Variants in NIPBL observed in about 807,000 individuals in gnomAD.
The protein encoded by NIPBL is nipped-B-like protein.
Under a neutral mutation model 321.8 loss-of-function variants are expected in NIPBL, and 19 were observed. The ratio of observed to expected loss-of-function variants is 0.06; its 90% CI spans 0.04 to 0.09. NIPBL has a LOEUF of 0.09. Ranked by LOEUF, NIPBL falls within the 10% of genes least tolerant of loss-of-function variation. NIPBL has a pLI of 1.00. For synonymous variants in NIPBL, 1,106 were observed against 1,114.1 expected (o/e 0.99, Z 0.14); for missense variants, 2,210 against 3,327.0 (o/e 0.66, Z 8.26).
intron 1 of NIPBL, among the ~76,000 whole-genome samples, chr5:36,937,336 T>C (rs1015911476): frequency 4.6e-5 from 7 of 152,188 alleles, no homozygotes; most frequent in Non-Finnish European, 7.4e-5. Flanking sequence ...CCATATACTC[T>C]TGACATTCTA....
chr5:36,892,747 T>A (rs951688805), intron 1 of NIPBL, among the ~76,000 whole-genome samples: 1 of 151,588 alleles, frequency 6.6e-6, no homozygotes, highest in South Asian at 2.1e-4. Flanking sequence ...GTGAGAACCC[T>A]TGGACACAGG....
intron 1 of NIPBL, among the ~76,000 whole-genome samples, chr5:36,889,477 A>G (rs1164779590): frequency 6.6e-6 from 1 of 151,954 alleles, no homozygotes; most frequent in Non-Finnish European, 1.5e-5. Flanking sequence ...CAATCTTTCC[A>G]ATTACTCATG....
At chr5:36,938,179 C>CT (rs2149579703) in intron 1 of NIPBL, among the ~76,000 whole-genome samples, 1 of 152,286 alleles carries the variant, frequency 6.6e-6, no homozygotes, top group East Asian at 1.9e-4. Context: ...TTTTGTGCCT[C>CT]TATTGTCTCC....
intron 1 of NIPBL, among the ~76,000 whole-genome samples, chr5:36,904,911 A>T (rs561733090): frequency 2.0e-5 from 3 of 152,192 alleles, no homozygotes. Context: ...GCCATATTCT[A>T]TATTTGTTAG....
At chr5:36,925,206 TATATC>T (rs1749259236) in intron 1 of NIPBL, among the ~76,000 whole-genome samples, 1 of 152,136 alleles carries the variant, frequency 6.6e-6, no homozygotes, top group Non-Finnish European at 1.5e-5. Context: ...TCTTTTCTAG[TATATC>T]ATATCTCCAA....
chr5:37,061,493 C>T (rs572782848), intron 45 of NIPBL, among the ~76,000 whole-genome samples: 3 of 152,218 alleles, frequency 2.0e-5, no homozygotes, highest in African/African-American at 7.2e-5. Context: ...GCCTGGGCAA[C>T]ATGGCAAATC....
intron 9 of NIPBL, among the ~76,000 whole-genome samples, chr5:36,977,754 G>T (rs181731895): frequency 2.0e-5 from 3 of 151,598 alleles, no homozygotes; most frequent in Admixed American, 6.6e-5. Flanking sequence ...CCTTGGCTTC[G>T]TCCCTTTTTC....
At chr5:37,025,164 G>T (rs1165773867) in intron 30 of NIPBL, among the ~76,000 whole-genome samples, 1 of 152,164 alleles carries the variant, frequency 6.6e-6, no homozygotes, top group Non-Finnish European at 1.5e-5. Context: ...GACACAGGAA[G>T]ATTACTTGAG....
At chr5:37,009,247 TAAA>T (rs925746596) in intron 20 of NIPBL, among the ~76,000 whole-genome samples, 30 of 151,490 alleles carry the variant, frequency 2.0e-4, no homozygotes, top group African/African-American at 7.0e-4. Flanking sequence ...AAAAAAAAAA[TAAA>T]AAACAGAAAG....
intron 1 of NIPBL, among the ~76,000 whole-genome samples, chr5:36,951,297 A>C (rs1304792208): frequency 6.6e-6 from 1 of 152,188 alleles, no homozygotes; most frequent in African/African-American, 2.4e-5. Context: ...CCTGGGACTT[A>C]AGAAAACAGT....
intron 1 of NIPBL, among the ~76,000 whole-genome samples, chr5:36,913,452 A>T (rs1045311922): frequency 4.0e-5 from 6 of 149,458 alleles, no homozygotes; most frequent in African/African-American, 1.5e-4. Context: ...GTGCAGTGGC[A>T]TGATTACAGC....
intron 2 of NIPBL, among the ~76,000 whole-genome samples, chr5:36,954,646 T>C (rs907843715): frequency 2.0e-5 from 3 of 152,186 alleles, no homozygotes; most frequent in African/African-American, 4.8e-5. Context: ...TACCTAAATA[T>C]TTTGTCTTTC....
rs1371388854 is a variant in NIPBL at position 36,880,973 on chromosome 5, C to T, written c.-80+3795C>T. Among the ~76,000 whole-genome samples the T allele has an allele frequency of 3.3e-5, 5 of 151,942 alleles. No individual in the cohort carries two copies. In the South Asian group the frequency reaches 8.3e-4, roughly 25 times the overall value. On this transcript the variant is annotated intron_variant, in intron 1 of 46. Coordinates refer to ENST00000282516, the MANE Select transcript of NIPBL (RefSeq NM_133433.4). ...ACTAGTATTTTCTTAGATTATGTTG[C>T]TTTAAGAAATGTGTGAGCTCTGGTC...
chr5:36,896,207 C>T (rs1173943531), intron 1 of NIPBL, among the ~76,000 whole-genome samples: 1 of 152,172 alleles, frequency 6.6e-6, no homozygotes, highest in Non-Finnish European at 1.5e-5. Flanking sequence ...ATTGAATGGT[C>T]TTGGCATCCC....
chr5:37,028,333 C>CTTTTTTTTTTTT (rs10676635), intron 32 of NIPBL, among the ~76,000 whole-genome samples: 1 of 102,556 alleles, frequency 9.8e-6, no homozygotes, highest in African/African-American at 4.3e-5. Flanking sequence ...TTCCATAATA[C>CTTTTTTTTTTTT]TTTTTTTTTT....
At chr5:36,977,192 C>T (rs1743572684) in intron 9 of NIPBL, among the ~76,000 whole-genome samples, 1 of 151,902 alleles carries the variant, frequency 6.6e-6, no homozygotes, top group East Asian at 1.9e-4. Flanking sequence ...AATTTGATTG[C>T]TATATAAATG....
chr5:37,016,661 G>T (rs1749034669), intron 23 of NIPBL, among the ~76,000 whole-genome samples: 1 of 151,916 alleles, frequency 6.6e-6, no homozygotes, highest in Non-Finnish European at 1.5e-5. Flanking sequence ...TTTGTGAATG[G>T]GAAAATATGT....
chr5:36,925,102 A>T (rs566114545), intron 1 of NIPBL, among the ~76,000 whole-genome samples: 11 of 152,328 alleles, frequency 7.2e-5, no homozygotes, highest in African/African-American at 2.4e-4. Context: ...TCTGCTGAAG[A>T]TTAATGTTAT....
At chr5:36,917,880 T>A (rs1748597352) in intron 1 of NIPBL, among the ~76,000 whole-genome samples, 2 of 152,342 alleles carry the variant, frequency 1.3e-5, no homozygotes, top group South Asian at 2.1e-4. Context: ...TCCATTGGTC[T>A]ATATCTCTGT....
Sources: gnomAD v4.1 joint callset for allele counts (sites outside exome capture counted in the v4.1 genomes callset) on GRCh38, gnomAD v4.1.1 for gene constraint, MANE v1.5 for transcripts, NCBI Gene and HGNC (gene_info 2026-07-23, HGNC 2026-07-21) for gene names.